TDRD7: variants seen among roughly 807,000 people sequenced by gnomAD.
TDRD7 encodes tudor domain containing 7, also known as tudor domain-containing protein 7.
A neutral mutation model predicts 109.8 loss-of-function variants in TDRD7; 47 were observed. The observed-to-expected ratio is 0.43, with a 90% confidence interval of 0.34 to 0.55. TDRD7 has a LOEUF of 0.55. Among genes scored for constraint, TDRD7 ranks in the 20% least tolerant of loss-of-function variants. The pLI is 0.03. For missense variants in TDRD7, 1,164 were observed against 1,319.2 expected (o/e 0.88, Z 1.82); for synonymous variants, 424 against 457.3 (o/e 0.93, Z 0.93).
chr9:97,442,607 A>C (rs1479851356), intron 6 of TDRD7, among the ~76,000 whole-genome samples: 1 of 152,200 alleles, frequency 6.6e-6, no homozygotes, highest in Non-Finnish European at 1.5e-5. Flanking sequence ...TTTAAAACAT[A>C]ACTTTTAAAT....
chr9:97,457,389 T>A (rs1224740573), intron 6 of TDRD7, among the ~76,000 whole-genome samples: 2 of 151,978 alleles, frequency 1.3e-5, no homozygotes, highest in African/African-American at 4.8e-5. Context: ...TATATATATT[T>A]TTTTTTTGAG....
chr9:97,482,375 C>A (rs1449411198), intron 14 of TDRD7, among the ~76,000 whole-genome samples: 1 of 152,106 alleles, frequency 6.6e-6, no homozygotes, highest in East Asian at 1.9e-4. Context: ...CTTTTTCCTT[C>A]CCTTCCCAGT....
At chr9:97,428,100 T>C (rs1828032589) in intron 1 of TDRD7, among the ~76,000 whole-genome samples, 1 of 152,122 alleles carries the variant, frequency 6.6e-6, no homozygotes, top group Non-Finnish European at 1.5e-5. Flanking sequence ...CTCTGTGCAC[T>C]CGCACATCCT....
At chr9:97,441,060 G>A (rs1033843587) in intron 5 of TDRD7, among the ~76,000 whole-genome samples, 9 of 152,086 alleles carry the variant, frequency 5.9e-5, no homozygotes, top group African/African-American at 2.2e-4. Context: ...AACCTTTTAT[G>A]TTTATAAACT....
chr9:97,418,497 T>C (rs1323389545), intron 1 of TDRD7, among the ~76,000 whole-genome samples: 1 of 151,720 alleles, frequency 6.6e-6, no homozygotes, highest in South Asian at 2.1e-4. Context: ...AAACAGGTCA[T>C]GGGTGGGGAC....
chr9:97,450,157 G>T (rs567224470), intron 6 of TDRD7, among the ~76,000 whole-genome samples: 2 of 151,882 alleles, frequency 1.3e-5, no homozygotes, highest in Non-Finnish European at 2.9e-5. Context: ...TGTCTCTCCT[G>T]CTGGAGGTGG....
Position 97,460,326 on chromosome 9 carries a change from C to T in TDRD7, c.1004C>T (p.Thr335Ile). 6.2e-7 allele frequency: 1 copy of T among 1,614,178 alleles called. No homozygotes were observed. The highest frequency in any genetic ancestry group is 1.3e-5 in the African/African-American group (1 of 75,058). ...ACACCACCGTTGAAAGGGTGTCCAA[C>T]AGTTATGGCAGGAGACTTTAAAGAA... Reference protein sequence around the residue: ...KQTPPLKGCPTVMAGDFKEKV... With the variant: ...KQTPPLKGCPIVMAGDFKEKV... The change falls in exon 7 of 17, where the codon ACA (threonine) becomes ATA (isoleucine). Residue 335 changes from threonine to isoleucine, a missense_variant. This residue lies in a region of TDRD7 where 407 missense variants were observed against 394.0 expected (regional missense o/e 1.03). Coordinates refer to ENST00000355295, the MANE Select transcript of TDRD7 (RefSeq NM_014290.3).
At chr9:97,441,925 T>G in intron 6 of TDRD7, 50 bp downstream of exon 6, 1 of 1,461,250 alleles carries the variant, frequency 6.8e-7, no homozygotes, top group Middle Eastern at 1.7e-4. Context: ...CTGCCCAACT[T>G]TGAGATCTTG....
intron 8 of TDRD7, among the ~76,000 whole-genome samples, chr9:97,466,601 A>G (rs561141001): frequency 2.0e-5 from 3 of 152,362 alleles, no homozygotes; most frequent in African/African-American, 7.2e-5. Context: ...GTAGTAGAAC[A>G]CTGTTAACAA....
chr9:97,435,882 T>G (rs1178148729), intron 4 of TDRD7, among the ~76,000 whole-genome samples: 2 of 152,170 alleles, frequency 1.3e-5, no homozygotes, highest in Non-Finnish European at 2.9e-5. Flanking sequence ...AAACCTGTTA[T>G]GAAGGACACT....
intron 8 of TDRD7, among the ~76,000 whole-genome samples, chr9:97,466,028 C>G (rs1828816983): frequency 6.6e-6 from 1 of 152,090 alleles, no homozygotes; most frequent in African/African-American, 2.4e-5. Context: ...TTGGTTTTCT[C>G]TAGATTTTGC....
chr9:97,452,247 A>C (rs1286865847), intron 6 of TDRD7, among the ~76,000 whole-genome samples: 1 of 152,198 alleles, frequency 6.6e-6, no homozygotes, highest in African/African-American at 2.4e-5. Flanking sequence ...AAGAAACCCC[A>C]AAGATTGGAA....
chr9:97,488,539 CCTT>C (rs931472077), intron 16 of TDRD7, among the ~76,000 whole-genome samples: 4 of 147,452 alleles, frequency 2.7e-5, no homozygotes, highest in African/African-American at 7.5e-5. Flanking sequence ...TAGATTCAGA[CCTT>C]CTTCTTCAGA....
At chr9:97,424,755 A>G (rs957277412) in intron 1 of TDRD7, among the ~76,000 whole-genome samples, 1 of 152,100 alleles carries the variant, frequency 6.6e-6, no homozygotes, top group Admixed American at 6.5e-5. Flanking sequence ...AATGTTTTAT[A>G]GGGCTATTTC....
At chr9:97,462,617 T>C (rs557971569) in intron 7 of TDRD7, among the ~76,000 whole-genome samples, 23 of 152,324 alleles carry the variant, frequency 1.5e-4, no homozygotes, top group African/African-American at 5.5e-4. Flanking sequence ...ATCCCTTGTC[T>C]CAGAAATTAA....
intron 1 of TDRD7, among the ~76,000 whole-genome samples, chr9:97,428,214 C>T (rs142730150): frequency 6.8e-4 from 104 of 152,262 alleles, no homozygotes; most frequent in African/African-American, 2.2e-3. Context: ...CAGGCTTCCC[C>T]GCCTGAATCT....
At chr9:97,416,542 G>A (rs1827813789) in intron 1 of TDRD7, among the ~76,000 whole-genome samples, 1 of 152,158 alleles carries the variant, frequency 6.6e-6, no homozygotes, top group African/African-American at 2.4e-5. Flanking sequence ...GGATGTGTGG[G>A]CTCCTTGCAA....
chr9:97,458,001 T>C (rs1828649486), intron 6 of TDRD7, among the ~76,000 whole-genome samples: 1 of 152,044 alleles, frequency 6.6e-6, no homozygotes, highest in Non-Finnish European at 1.5e-5. Flanking sequence ...TAGGGGCCTA[T>C]TAGGGTGGTT....
intron 4 of TDRD7, among the ~76,000 whole-genome samples, chr9:97,436,386 A>C (rs1828198100): frequency 6.6e-6 from 1 of 152,240 alleles, no homozygotes; most frequent in Non-Finnish European, 1.5e-5. Flanking sequence ...TTTTTAGCCC[A>C]TTATAGGTCT....
Sources: allele counts gnomAD v4.1 joint callset (sites outside exome capture counted in the v4.1 genomes callset), GRCh38; gene constraint gnomAD v4.1.1; regional missense constraint gnomAD v4.1.1; transcripts MANE v1.5; gene names NCBI Gene and HGNC (gene_info 2026-07-23, HGNC 2026-07-21).